RHNO1: variants seen among roughly 807,000 people sequenced by gnomAD.
RHNO1 encodes the protein RAD9-HUS1-RAD1 interacting nuclear orphan 1, also known as RAD9, HUS1, RAD1-interacting nuclear orphan protein 1.
RHNO1 carries 9 observed loss-of-function variants against 7.2 expected under a neutral mutation model. That is an observed-to-expected ratio of 1.25 (90% CI 0.75 to 2.18). The LOEUF is 2.18. RHNO1 is among the 30% of genes most tolerant of loss of function. The probability of loss-of-function intolerance (pLI) is 0.00; values close to 1 mark genes in which losing one functional copy is unlikely to be tolerated. For synonymous variants in RHNO1, 95 were observed against 107.5 expected, an observed-to-expected ratio of 0.88 and a Z score of 0.72; for missense variants, 292 against 284.5, an observed-to-expected ratio of 1.03 and a Z score of -0.19.
At chr12:2,886,285 T>A (rs1271982475) in intron 2 of RHNO1, 1 of 152,176 alleles carries the variant, frequency 6.6e-6, no homozygotes, top group Admixed American at 6.6e-5. Flanking sequence ...CTGTTTATTG[T>A]GTAATGGATT....
rs530959408 is a variant in RHNO1 at position 2,877,443 on chromosome 12, C to T, written c.-85+161C>T. Among the ~76,000 whole-genome samples, 54 of 152,296 alleles carry T rather than the reference C, an allele frequency of 3.5e-4. 1 individual carries two copies. Among genetic ancestry groups the T allele is most frequent in the African/African-American group, 1.2e-3 (51 of 41,580 alleles). On this transcript the variant is annotated intron_variant, in intron 1 of 2. Transcript: ENST00000489288. ...GGGTCCCTGGGCCCGCTTTTCCTGC[C>T]GCGCTGGTCACGCCAGGCGACACGC...
intron 1 of RHNO1, chr12:2,878,195 T>C (rs1416319795): frequency 6.6e-6 from 1 of 152,210 alleles, no homozygotes; most frequent in Non-Finnish European, 1.5e-5. Flanking sequence ...TGTTGAATTA[T>C]TGCTGTAAAT....
intron 1 of RHNO1, among the ~76,000 whole-genome samples, chr12:2,879,376 A>C (rs1288479416): frequency 1.3e-5 from 2 of 151,252 alleles, no homozygotes; most frequent in African/African-American, 4.9e-5. Context: ...TCTGTCACTC[A>C]GGCTGGAGTT....
chr12:2,883,673 C>T (rs936029986), intron 1 of RHNO1, among the ~76,000 whole-genome samples: 16 of 150,850 alleles, frequency 1.1e-4, no homozygotes, highest in South Asian at 2.1e-4. Context: ...TGTGCCACCA[C>T]GCCCAGCTAA....
intron 2 of RHNO1, among the ~76,000 whole-genome samples, chr12:2,886,772 T>A (rs2153946059): frequency 6.6e-6 from 1 of 152,302 alleles, no homozygotes; most frequent in African/African-American, 2.4e-5. Flanking sequence ...TAGGAGTATT[T>A]AATAAATGTA....
chr12:2,885,779 G>T, intron 2 of RHNO1: 1 of 322,948 alleles, frequency 3.1e-6, no homozygotes, highest in South Asian at 4.0e-5. Context: ...GTTTCACCGT[G>T]TTAGCCAGGA....
intron 1 of RHNO1, among the ~76,000 whole-genome samples, chr12:2,883,507 A>ATTT (rs2098161422): frequency 3.8e-5 from 1 of 26,236 alleles, no homozygotes; most frequent in African/African-American, 2.3e-4. Context: ...ATATATATAT[A>ATTT]TATATTTTTT....
At chr12:2,883,604 G>A (rs1322772346) in intron 1 of RHNO1, among the ~76,000 whole-genome samples, 5 of 141,952 alleles carry the variant, frequency 3.5e-5, no homozygotes, top group Admixed American at 1.5e-4. Context: ...CGCAACCTCC[G>A]CCTCCCGGGT....
At chr12:2,878,926 A>G (rs1295883249) in intron 1 of RHNO1, among the ~76,000 whole-genome samples, 1 of 151,760 alleles carries the variant, frequency 6.6e-6, no homozygotes, top group Non-Finnish European at 1.5e-5. Context: ...ATGATCGTGA[A>G]TTCAGTTTTT....
At chr12:2,886,905 A>C in intron 2 of RHNO1, 1 of 451,938 alleles carries the variant, frequency 2.2e-6, no homozygotes, top group East Asian at 7.0e-5. Context: ...ATTATATGCC[A>C]GGTCCTCTGC....
chr12:2,884,984 C>T (rs182737060), intron 1 of RHNO1, among the ~76,000 whole-genome samples: 2 of 152,300 alleles, frequency 1.3e-5, no homozygotes, highest in East Asian at 1.9e-4. Flanking sequence ...TTCAGCTCCT[C>T]GAAACAGGGA....
At chr12:2,883,499 ATATATATATATATTTTTTTTTT>A (rs2098161232) in intron 1 of RHNO1, among the ~76,000 whole-genome samples, 2 of 30,992 alleles carry the variant, frequency 6.5e-5, no homozygotes, top group African/African-American at 2.4e-4. Context: ...ATATATATAT[ATATATATATATATTTTTTTTTT>A]TTTTTTTTTT....
chr12:2,884,202 A>G (rs1173156536), intron 1 of RHNO1, among the ~76,000 whole-genome samples: 1 of 151,232 alleles, frequency 6.6e-6, no homozygotes, highest in Non-Finnish European at 1.5e-5. Context: ...TTCGGATTAC[A>G]GGCATGCACC....
chr12:2,882,239 C>G (rs1382938172), intron 1 of RHNO1, among the ~76,000 whole-genome samples: 1 of 150,304 alleles, frequency 6.7e-6, no homozygotes, highest in Non-Finnish European at 1.5e-5. Flanking sequence ...CCTAGGAGTT[C>G]CAGACTAGTC....
intron 1 of RHNO1, among the ~76,000 whole-genome samples, chr12:2,880,025 A>G (rs148262790): frequency 2.0e-5 from 3 of 152,226 alleles, no homozygotes; most frequent in African/African-American, 4.8e-5. Flanking sequence ...CTGAAGTTCT[A>G]AGAAAGTGGG....
In RHNO1 at chr12:2,885,560, CATTTTTTTTTTT is replaced by C. The variant is rs747456174; in HGVS notation, c.168+27_168+38del. On this transcript the variant is annotated intron_variant, in intron 2 of 2. Transcript: ENST00000489288. The stretch of plus-strand genomic sequence containing the variant: ...GTAGGCCCATGGGATTACTATTTGA[CATTTTTTTTTTT>C]TTTTTTTTTTTTTTTTTTTTGAGAC... The C allele has an allele frequency of 4.4e-3, 3,267 of 734,388 alleles. 90 individuals carry two copies. The highest frequency in any genetic ancestry group is 6.6e-3 in the East Asian group (194 of 29,458). The allele number at this position is 734,388 out of a possible 1,614,324, so 45.5% of individuals were successfully genotyped here.
rs2098163880 is a variant in RHNO1, at chr12:2,885,308, C to A, written c.-59C>A. 4 of 1,483,614 alleles carry A rather than the reference C, an allele frequency of 2.7e-6. No individual in the cohort carries two copies. In the South Asian group the frequency reaches 3.8e-5, roughly 14 times the overall value. The allele number at this position is 1,483,614 out of a possible 1,614,324, so 91.9% of individuals were successfully genotyped here. ...GCATGGGTTGGAATTGGAGCCTATCCCCCAACCCGAAGGCTAACAGCATCA... is the reference window on the plus strand; with the variant it reads ...GCATGGGTTGGAATTGGAGCCTATCACCCAACCCGAAGGCTAACAGCATCA... On this transcript the variant is annotated 5_prime_UTR_variant, in exon 2 of 3. Coordinates refer to ENST00000489288, the MANE Select transcript of RHNO1 (RefSeq NM_001252499.3).
chr12:2,887,874 T>C (rs764281290), intron 2 of RHNO1, 37 bp from the exon 3 acceptor site: 12 of 1,499,282 alleles, frequency 8.0e-6, no homozygotes, highest in Non-Finnish European at 1.1e-5. Flanking sequence ...AGGTTAGTAC[T>C]TAGTTAGGCT....
chr12:2,885,903 C>A lies in RHNO1; in HGVS notation c.168+369C>A, dbSNP rs911597850. On this transcript the variant is annotated intron_variant, in intron 2 of 2. Transcript: ENST00000489288. ...TTTGACTTTTACTCTGTTAGGTTTT[C>A]CAGAATGCTGACTCTTCTGCCCGGC... 1.0e-4 allele frequency: 9 copies of A among 85,802 alleles called. No individual in the cohort carries two copies. The South Asian group carries it at 1.4e-3, about 13-fold the overall frequency. 5.3% of individuals were successfully genotyped at this position (85,802 alleles called of 1,614,324 possible). A position where few individuals can be genotyped will look rare whatever the true frequency, so the allele number is the denominator to read the frequency against.
Sources: allele counts gnomAD v4.1 joint callset (sites outside exome capture counted in the v4.1 genomes callset), GRCh38; gene constraint gnomAD v4.1.1; transcripts MANE v1.5; gene names NCBI Gene and HGNC (gene_info 2026-07-23, HGNC 2026-07-21).